KIAA1328: variants seen among roughly 807,000 people sequenced by gnomAD.
KIAA1328 encodes protein hinderin.
In KIAA1328, 52 loss-of-function variants were observed where a neutral mutation model predicts 68.1. The ratio of observed to expected loss-of-function variants is 0.76; its 90% confidence interval spans 0.61 to 0.96. The LOEUF (loss-of-function observed/expected upper bound fraction) is 0.96, where lower values mean the gene tolerates loss of function less well. Among genes scored for constraint, KIAA1328 ranks in the 40% least tolerant of loss-of-function variants. The pLI, the probability that KIAA1328 is intolerant of heterozygous loss-of-function variation, is 0.00. For synonymous variants in KIAA1328, 232 were observed against 239.4 expected, an observed-to-expected ratio of 0.97 and a Z score of 0.28; for missense variants, 641 against 677.6, an observed-to-expected ratio of 0.95 and a Z score of 0.60.
rs191803916 is a variant in KIAA1328, at chr18:36,906,564, A to G, written c.448+20892A>G. ...GAGTGAATAATAGTCCATTATATGGATATACCATAGTTTGCTATTCTACTT... is the reference window on the plus strand; with the variant it reads ...GAGTGAATAATAGTCCATTATATGGGTATACCATAGTTTGCTATTCTACTT... On this transcript the variant is annotated intron_variant, in intron 5 of 9. Transcript: ENST00000280020. Among the ~76,000 whole-genome samples the G allele has an allele frequency of 3.3e-5, 5 of 152,232 alleles. No homozygotes were observed. The East Asian group carries it at 9.6e-4, about 29-fold the overall frequency.
intron 7 of KIAA1328, among the ~76,000 whole-genome samples, chr18:37,149,700 T>A (rs755463358): frequency 6.6e-6 from 1 of 152,196 alleles, no homozygotes; most frequent in Non-Finnish European, 1.5e-5. Flanking sequence ...TTTGGTCAAT[T>A]GTTGACTGAA....
chr18:37,048,455 T>C (rs1278600175), intron 6 of KIAA1328, among the ~76,000 whole-genome samples: 1 of 152,200 alleles, frequency 6.6e-6, no homozygotes, highest in Non-Finnish European at 1.5e-5. Context: ...GCAGTTGCCT[T>C]TTATTCAAGT....
At chr18:37,215,431 G>C (rs995726866) in intron 9 of KIAA1328, among the ~76,000 whole-genome samples, 17 of 152,280 alleles carry the variant, frequency 1.1e-4, no homozygotes, top group Non-Finnish European at 2.1e-4. Context: ...CTTTAGTTCT[G>C]TTTTGTGATG....
intron 6 of KIAA1328, among the ~76,000 whole-genome samples, chr18:37,048,410 T>C (rs2151652463): frequency 6.6e-6 from 1 of 152,330 alleles, no homozygotes; most frequent in East Asian, 1.9e-4. Context: ...GGCTGATTTT[T>C]TTTTTTAACA....
chr18:37,205,947 T>A (rs530478625), intron 9 of KIAA1328, among the ~76,000 whole-genome samples: 2 of 152,346 alleles, frequency 1.3e-5, no homozygotes, highest in Non-Finnish European at 2.9e-5. Flanking sequence ...ATTGAGACCA[T>A]AAATGGTCTG....
chr18:37,095,263 A>G (rs919267684), intron 7 of KIAA1328, among the ~76,000 whole-genome samples: 4 of 152,370 alleles, frequency 2.6e-5, no homozygotes, highest in African/African-American at 7.2e-5. Context: ...ATTTTATCCA[A>G]CAACTACAGA....
Position 37,143,615 on chromosome 18 carries a change from A to G in KIAA1328, c.1233-16585A>G, listed in dbSNP as rs1223641050. ...AGAAGACATCCTTATATTGTTCCCA[A>G]TCTTAGGGAAAAGGCATTCAGTAAT... On this transcript the variant is annotated intron_variant, in intron 7 of 9. Transcript: ENST00000280020. Among the ~76,000 whole-genome samples the G allele has an allele frequency of 2.0e-5, 3 of 147,332 alleles. No homozygotes were observed. The East Asian group carries it at 5.9e-4, about 29-fold the overall frequency.
At chr18:37,121,911 A>C (rs1478135629) in intron 7 of KIAA1328, among the ~76,000 whole-genome samples, 2 of 152,092 alleles carry the variant, frequency 1.3e-5, no homozygotes, top group African/African-American at 4.8e-5. Context: ...CATTGAAACC[A>C]AGGATACCCA....
At chr18:36,856,788 AATTGTGGAAATCTAGATTTCC>A (rs2047397770) in intron 4 of KIAA1328, among the ~76,000 whole-genome samples, 2 of 152,098 alleles carry the variant, frequency 1.3e-5, no homozygotes, top group African/African-American at 4.8e-5. Context: ...ATAATATGGT[AATTGTGGAAATCTAGATTTCC>A]TTCAGCTTCC....
At chr18:37,013,317 T>C (rs1211288378) in intron 6 of KIAA1328, among the ~76,000 whole-genome samples, 1 of 152,210 alleles carries the variant, frequency 6.6e-6, no homozygotes, top group Non-Finnish European at 1.5e-5. Context: ...CTTCCTCATA[T>C]ATAAAATGGT....
At chr18:37,193,386 A>G (rs1398929925) in intron 9 of KIAA1328, among the ~76,000 whole-genome samples, 1 of 152,246 alleles carries the variant, frequency 6.6e-6, no homozygotes, top group Non-Finnish European at 1.5e-5. Context: ...ATTAAATGGA[A>G]TAAACAAAGA....
At chr18:37,089,479 A>G (rs1329255766) in intron 7 of KIAA1328, among the ~76,000 whole-genome samples, 1 of 149,552 alleles carries the variant, frequency 6.7e-6, no homozygotes, top group African/African-American at 2.5e-5. Flanking sequence ...GGTTCAAGCA[A>G]TTCTCCTGTT....
In KIAA1328 at chr18:37,063,388, T is replaced by C. The variant is rs149200115; in HGVS notation, c.577-3502T>C. On this transcript the variant is annotated intron_variant, in intron 6 of 9. Coordinates refer to ENST00000280020, the MANE Select transcript of KIAA1328 (RefSeq NM_020776.3). ...CTTTTAAAGGGCTTACCTGATTAGA[T>C]CAAGCACACCCAGGATAGTCTCCCT... Among the ~76,000 whole-genome samples, 6 of 152,236 alleles carry C rather than the reference T, an allele frequency of 3.9e-5. No homozygotes were observed. In the East Asian group the frequency reaches 1.2e-3, roughly 29 times the overall value.
At chr18:36,971,493 G>T (rs888768991) in intron 6 of KIAA1328, among the ~76,000 whole-genome samples, 1 of 152,146 alleles carries the variant, frequency 6.6e-6, no homozygotes, top group Non-Finnish European at 1.5e-5. Flanking sequence ...GCCAGGTGTG[G>T]TGGTGGATGC....
chr18:36,860,086 G>A (rs1358999428), intron 4 of KIAA1328, among the ~76,000 whole-genome samples: 1 of 151,610 alleles, frequency 6.6e-6, no homozygotes, highest in Non-Finnish European at 1.5e-5. Context: ...AACAAATTGG[G>A]GATCTTCTGT....
intron 7 of KIAA1328, among the ~76,000 whole-genome samples, chr18:37,095,007 T>G (rs2151844293): frequency 6.7e-6 from 1 of 150,128 alleles, no homozygotes; most frequent in Middle Eastern, 3.5e-3. Flanking sequence ...AATATAATGG[T>G]GTAGGCATCC....
chr18:37,067,562 C>A lies in KIAA1328; in HGVS notation c.1232+17C>A. The stretch of plus-strand genomic sequence containing the variant: ...TTACAATTGGTGAGTACTGCCTGTT[C>A]TTTTTTTTTTTTTTTTGAGACGAAA... On this transcript the variant is annotated intron_variant, in intron 7 of 9. Transcript: ENST00000280020. The A allele has an allele frequency of 3.7e-6, 5 of 1,357,142 alleles. No homozygotes were observed. The highest frequency in any genetic ancestry group is 3.8e-6 in the Non-Finnish European group (4 of 1,040,928). 84.1% of individuals were successfully genotyped at this position (1,357,142 alleles called of 1,614,324 possible).
chr18:36,941,475 A>G (rs1475919625), intron 5 of KIAA1328, among the ~76,000 whole-genome samples: 1 of 152,096 alleles, frequency 6.6e-6, no homozygotes, highest in Non-Finnish European at 1.5e-5. Context: ...GATGCCTGCA[A>G]TCCCAGCTAC....
At chr18:36,953,245 A>C (rs1374090415) in intron 5 of KIAA1328, among the ~76,000 whole-genome samples, 1 of 147,628 alleles carries the variant, frequency 6.8e-6, no homozygotes, top group African/African-American at 2.5e-5. Context: ...TATTTATAAT[A>C]TATAGTGTAA....
Sources: allele counts gnomAD v4.1 joint callset (sites outside exome capture counted in the v4.1 genomes callset), GRCh38; gene constraint gnomAD v4.1.1; transcripts MANE v1.5; gene names NCBI Gene and HGNC (gene_info 2026-07-23, HGNC 2026-07-21).